ADAM28: variants seen among roughly 807,000 people sequenced by gnomAD.
ADAM28 encodes the protein ADAM metallopeptidase domain 28.
Under a neutral mutation model 101.2 loss-of-function variants are expected in ADAM28, and 105 were observed. That is an observed-to-expected ratio of 1.04 (90% CI 0.89 to 1.22). The LOEUF is 1.22. ADAM28 is among the 50% of genes most tolerant of loss of function. The pLI, the probability that ADAM28 is intolerant of heterozygous loss-of-function variation, is 0.00. For missense variants in ADAM28, 1,028 were observed against 945.4 expected (o/e 1.09, Z -1.15); for synonymous variants, 322 against 310.6 (o/e 1.04, Z -0.39).
At chr8:24,311,814 C>G (rs1810494974) in intron 5 of ADAM28, among the ~76,000 whole-genome samples, 1 of 152,142 alleles carries the variant, frequency 6.6e-6, no homozygotes, top group African/African-American at 2.4e-5. Flanking sequence ...TTTCAGCTCA[C>G]TGCAATCTCA....
chr8:24,356,295 T>TATC lies in ADAM28; in HGVS notation c.*1892_*1894dup, dbSNP rs2129348880. The stretch of plus-strand genomic sequence containing the variant: ...TGTGTTGTTGTTGTTGTTTTTTAAA[T>TATC]ATCTGTCCCCAGTAATAGATTCACC... On this transcript the variant is annotated 3_prime_UTR_variant, in exon 23 of 23. Coordinates refer to ENST00000265769, the MANE Select transcript of ADAM28 (RefSeq NM_014265.6). 6.6e-6 allele frequency: 1 copy of TATC among 152,322 alleles called. No individual in the cohort carries two copies. The highest frequency in any genetic ancestry group is 2.1e-4 in the South Asian group (1 of 4,828). 9.4% of individuals were successfully genotyped at this position (152,322 alleles called of 1,614,324 possible). A position where few individuals can be genotyped will look rare whatever the true frequency, so the allele number is the denominator to read the frequency against.
chr8:24,354,690 A>C lies in ADAM28; in HGVS notation c.*286A>C. On this transcript the variant is annotated 3_prime_UTR_variant, in exon 23 of 23. Transcript: ENST00000265769. ...AAGTTAAAATCTGTAATAGGAATTG[A>C]TTCATTCTCTAATGAAAACAAAACA... 3.6e-6 allele frequency: 1 copy of C among 275,380 alleles called. No individual in the cohort carries two copies. Among genetic ancestry groups the C allele is most frequent in the Non-Finnish European group, 6.8e-6 (1 of 146,428 alleles). The allele number at this position is 275,380 out of a possible 1,614,324, so 17.1% of individuals were successfully genotyped here.
chr8:24,341,111 A>G (rs1450331451), intron 15 of ADAM28: 1 of 152,506 alleles, frequency 6.6e-6, no homozygotes, highest in African/African-American at 2.4e-5. Context: ...ACCTATCTGA[A>G]ACAAGCTAGA....
At chr8:24,305,662 T>C (rs1809504540) in intron 2 of ADAM28, among the ~76,000 whole-genome samples, 1 of 152,034 alleles carries the variant, frequency 6.6e-6, no homozygotes, top group African/African-American at 2.4e-5. Flanking sequence ...AAGAAAAAAT[T>C]ACCTAAACAA....
intron 2 of ADAM28, chr8:24,308,593 A>G (rs1339855664): frequency 2.2e-6 from 1 of 456,168 alleles, no homozygotes; most frequent in Non-Finnish European, 4.4e-6. Flanking sequence ...GTAAGAGGTT[A>G]TGACTATTCT....
intron 10 of ADAM28, among the ~76,000 whole-genome samples, chr8:24,328,853 G>A (rs187797155): frequency 6.0e-4 from 91 of 151,928 alleles, no homozygotes; most frequent in Admixed American, 4.5e-3. Context: ...CCCAGGAGGC[G>A]GAGGTTGCAG....
chr8:24,325,901 C>CAAAAAAAAAAAAA (rs1812548338), intron 9 of ADAM28, among the ~76,000 whole-genome samples: 1 of 55,530 alleles, frequency 1.8e-5, no homozygotes, highest in Non-Finnish European at 3.8e-5. Context: ...AAAAAAAAAA[C>CAAAAAAAAAAAAA]CAAAAAACAA....
At chr8:24,318,591 C>G (rs1207063101) in intron 6 of ADAM28, among the ~76,000 whole-genome samples, 1 of 151,778 alleles carries the variant, frequency 6.6e-6, no homozygotes, top group Non-Finnish European at 1.5e-5. Context: ...TAAAATATGC[C>G]CCCAAAAGAA....
intron 1 of ADAM28, among the ~76,000 whole-genome samples, chr8:24,294,776 C>T (rs969055365): frequency 3.9e-5 from 6 of 152,058 alleles, no homozygotes; most frequent in African/African-American, 1.4e-4. Context: ...TGATAATTTA[C>T]TTCTATTTTG....
At chr8:24,354,203 G>A (rs2289040) in intron 22 of ADAM28, among the ~76,000 whole-genome samples, 181 bp from the exon 23 acceptor site, 137,263 of 152,104 alleles carry the variant, frequency 0.9, 62,152 homozygotes, top group Non-Finnish European at 0.94. Context: ...TTAGTGTAGT[G>A]TTTTTCTCAC....
chr8:24,294,324 C>A (rs949171597), intron 1 of ADAM28, 129 bp downstream of exon 1: 4 of 1,084,128 alleles, frequency 3.7e-6, no homozygotes, highest in Non-Finnish European at 5.4e-6. Context: ...ATCTTACTAA[C>A]CAGTTGGGCT....
In ADAM28 at chr8:24,300,070, A is replaced by T. The variant is rs1273873200; in HGVS notation, c.143A>T (p.Glu48Val). 3 of 1,613,086 alleles carry T rather than the reference A, an allele frequency of 1.9e-6. No individual in the cohort carries two copies. In the Admixed American group the frequency reaches 5.0e-5, roughly 27 times the overall value. ...PLHKREAKEPEQQEQFETELK... is the reference protein window; with the variant it reads ...PLHKREAKEPVQQEQFETELK... ...CATAAAAGAGAGGCCAAAGAGCCAGAGCAACAGGTACAGCTTTTGATTTAT... is the reference window on the plus strand; with the variant it reads ...CATAAAAGAGAGGCCAAAGAGCCAGTGCAACAGGTACAGCTTTTGATTTAT... The change falls in exon 2 of 23, where the codon GAG becomes GTG. Residue 48 changes from glutamate to valine, a missense_variant. Coordinates refer to ENST00000265769, the MANE Select transcript of ADAM28 (RefSeq NM_014265.6).
rs1816594241 is a variant in ADAM28 at position 24,355,150 on chromosome 8, T to G, written c.*746T>G. 1 of 152,602 alleles carries G rather than the reference T, an allele frequency of 6.6e-6. No individual in the cohort carries two copies. Among genetic ancestry groups the G allele is most frequent in the Non-Finnish European group, 1.5e-5 (1 of 68,014 alleles). 9.5% of individuals were successfully genotyped at this position (152,602 alleles called of 1,614,324 possible). The stretch of plus-strand genomic sequence containing the variant: ...ACATAGTACTTTTACATGTTTTGAA[T>G]GTATTGCTAATATTTAAAAATTGAG... On this transcript the variant is annotated 3_prime_UTR_variant, in exon 23 of 23. Coordinates refer to ENST00000265769, the MANE Select transcript of ADAM28 (RefSeq NM_014265.6).
At chr8:24,310,373 C>T in intron 4 of ADAM28, 132 bp downstream of exon 4, 1 of 698,428 alleles carries the variant, frequency 1.4e-6, no homozygotes, top group East Asian at 3.0e-5. Context: ...GTAGCCATTA[C>T]TTAAAATATA....
intron 18 of ADAM28, among the ~76,000 whole-genome samples, chr8:24,348,126 T>C (rs894721549): frequency 6.6e-6 from 1 of 152,166 alleles, no homozygotes; most frequent in Non-Finnish European, 1.5e-5. Context: ...TCTTATAGAC[T>C]TATTGATTTT....
At chr8:24,351,559 C>T (rs1019480486) in intron 20 of ADAM28, 2 of 551,202 alleles carry the variant, frequency 3.6e-6, no homozygotes, top group Non-Finnish European at 6.6e-6. Context: ...CTGTCTGTCT[C>T]TCTCTTTGTC....
Position 24,353,686 on chromosome 8 carries a change from A to C in ADAM28, c.2245-84A>C, listed in dbSNP as rs1034960243. On this transcript the variant is annotated intron_variant, in intron 21 of 22. Transcript: ENST00000265769. ...ATGAGTGAAGAAGAGCTAGGAAATA[A>C]TTTCATTAAGGAAATAAATATAGCT... 4.1e-6 allele frequency: 4 copies of C among 966,040 alleles called. No individual in the cohort carries two copies. In the African/African-American group the frequency reaches 4.9e-5, roughly 12 times the overall value. 59.8% of individuals were successfully genotyped at this position (966,040 alleles called of 1,614,324 possible).
chr8:24,354,440 C>A lies in ADAM28; in HGVS notation c.*36C>A. 1 of 1,596,208 alleles carries A rather than the reference C, an allele frequency of 6.3e-7. No homozygotes were observed. The highest frequency in any genetic ancestry group is 1.1e-5 in the South Asian group (1 of 88,074). The stretch of plus-strand genomic sequence containing the variant: ...AAGCAAGAACTAATGGCTAAATTAT[C>A]AACTTGGAAAACTGGAAAATCTGGA... On this transcript the variant is annotated 3_prime_UTR_variant, in exon 23 of 23. Transcript: ENST00000265769.
chr8:24,344,694 A>T (rs1312291847), intron 18 of ADAM28, among the ~76,000 whole-genome samples: 2 of 151,724 alleles, frequency 1.3e-5, no homozygotes, highest in Non-Finnish European at 2.9e-5. Context: ...AAGGGGCATG[A>T]ACATAATCAA....
Sources: gnomAD v4.1 joint callset for allele counts (sites outside exome capture counted in the v4.1 genomes callset) on GRCh38, gnomAD v4.1.1 for gene constraint, MANE v1.5 for transcripts, NCBI Gene and HGNC (gene_info 2026-07-23, HGNC 2026-07-21) for gene names.